The following CAPS2 variants were observed in gnomAD, a reference collection of about 807,000 sequenced individuals.
CAPS2 encodes calcyphosin-2.
A neutral mutation model predicts 86.5 loss-of-function variants in CAPS2; 98 were observed. The ratio of observed to expected loss-of-function variants is 1.13; its 90% CI spans 0.96 to 1.34. The LOEUF (loss-of-function observed/expected upper bound fraction) is 1.34. Among genes scored for constraint, CAPS2 ranks in the 40% most tolerant of loss-of-function variants. CAPS2 has a pLI of 0.00. For missense variants in CAPS2, 729 were observed against 686.8 expected, an observed-to-expected ratio of 1.06 and a Z score of -0.69; for synonymous variants, 210 against 225.1, an observed-to-expected ratio of 0.93 and a Z score of 0.60.
At chr12:75,351,221 T>C (rs993267020) in intron 1 of CAPS2, among the ~76,000 whole-genome samples, 3 of 152,164 alleles carry the variant, frequency 2.0e-5, no homozygotes, top group African/African-American at 7.2e-5. Flanking sequence ...TTGGGGTACC[T>C]GAAATAAATG....
chr12:75,308,119 G>T (rs970757276), intron 7 of CAPS2, among the ~76,000 whole-genome samples: 1 of 152,076 alleles, frequency 6.6e-6, no homozygotes, highest in Admixed American at 6.6e-5. Flanking sequence ...TGCATAGAAG[G>T]CTAACTTTGT....
intron 14 of CAPS2, among the ~76,000 whole-genome samples, chr12:75,287,447 G>A (rs2035090464): frequency 6.6e-6 from 1 of 152,114 alleles, no homozygotes; most frequent in African/African-American, 2.4e-5. Flanking sequence ...AGAAGAGTCA[G>A]AACAGGCATT....
chr12:75,304,134 A>G (rs1171196782), intron 8 of CAPS2, among the ~76,000 whole-genome samples: 1 of 152,228 alleles, frequency 6.6e-6, no homozygotes, highest in African/African-American at 2.4e-5. Flanking sequence ...ATGCTTCCAA[A>G]TATTTAAATG....
chr12:75,367,248 AAAC>A (rs1480538874), intron 1 of CAPS2, among the ~76,000 whole-genome samples: 1 of 145,472 alleles, frequency 6.9e-6, no homozygotes, highest in Non-Finnish European at 1.5e-5. Flanking sequence ...TTAGGATCCT[AAAC>A]AACAACTTCC....
At chr12:75,355,795 C>A (rs2043119252) in intron 1 of CAPS2, among the ~76,000 whole-genome samples, 1 of 152,056 alleles carries the variant, frequency 6.6e-6, no homozygotes, top group African/African-American at 2.4e-5. Flanking sequence ...TACTATGCAG[C>A]CATAAAAAGG....
intron 11 of CAPS2, among the ~76,000 whole-genome samples, chr12:75,296,389 T>A (rs1030795788): frequency 3.3e-5 from 5 of 152,074 alleles, no homozygotes; most frequent in Non-Finnish European, 7.4e-5. Flanking sequence ...CCTCCTGGGT[T>A]CACGCCATTC....
At chr12:75,386,721 A>G (rs1004944564) in intron 1 of CAPS2, among the ~76,000 whole-genome samples, 1 of 152,234 alleles carries the variant, frequency 6.6e-6, no homozygotes, top group African/African-American at 2.4e-5. Flanking sequence ...AAATAAATCC[A>G]TGGAACAGAA....
upstream of CAPS2, among the ~76,000 whole-genome samples, chr12:75,330,839 C>T (rs1467528937): frequency 1.3e-5 from 2 of 151,466 alleles, no homozygotes; most frequent in Non-Finnish European, 2.9e-5. Context: ...GGCTGGAGTG[C>T]AATGGCACAA....
chr12:75,366,962 G>A (rs12366348), intron 1 of CAPS2: 239,759 of 701,462 alleles, frequency 0.34, 43,919 homozygotes, highest in East Asian at 0.46. Context: ...CACCCAAGGG[G>A]CAGCTTGCAG....
intron 7 of CAPS2, among the ~76,000 whole-genome samples, chr12:75,308,573 T>C (rs555689887): frequency 5.1e-4 from 77 of 152,286 alleles, no homozygotes; most frequent in African/African-American, 1.8e-3. Context: ...CACCCTCCAC[T>C]GGTAATAGTT....
intron 1 of CAPS2, among the ~76,000 whole-genome samples, chr12:75,387,449 T>A (rs1191373741): frequency 6.6e-6 from 1 of 152,174 alleles, no homozygotes; most frequent in East Asian, 1.9e-4. Context: ...TCTCATTCAC[T>A]GCTGGTGGGA....
At chr12:75,298,429 G>A (rs2037261437) in intron 11 of CAPS2, 1 of 450,948 alleles carries the variant, frequency 2.2e-6, no homozygotes, top group African/African-American at 1.9e-5. Flanking sequence ...AACTTCATCT[G>A]GAGACAACCC....
At chr12:75,365,949 C>T (rs566555049) in intron 1 of CAPS2, among the ~76,000 whole-genome samples, 16 of 152,144 alleles carry the variant, frequency 1.1e-4, no homozygotes, top group Admixed American at 9.2e-4. Context: ...AGTTTTATAA[C>T]CCTTATGCAA....
Position 75,369,990 on chromosome 12 carries a change from T to C in CAPS2, c.-395+20848A>G. On this transcript the variant is annotated intron_variant, in intron 1 of 5. Coordinates refer to the CAPS2 transcript ENST00000551829. ...CCACAACTTATTATACCTAACCGTA[T>C]GTATCAAAATATTTTAGTATTAATT... 5 of 1,087,294 alleles carry C rather than the reference T, an allele frequency of 4.6e-6. 1 individual carries two copies. In the Middle Eastern group the frequency reaches 6.5e-4, roughly 141 times the overall value. The allele number at this position is 1,087,294 out of a possible 1,614,324, so 67.4% of individuals were successfully genotyped here.
In CAPS2 at chr12:75,311,699, G is replaced by GAAAAA. The variant is rs764314438; in HGVS notation, c.659+1148_659+1149insTTTTT. 4.7e-4 allele frequency among the ~76,000 whole-genome samples: 8 copies of GAAAAA among 16,994 alleles called. 1 individual carries two copies. Among genetic ancestry groups the GAAAAA allele is most frequent in the African/African-American group, 7.4e-4 (6 of 8,076 alleles). The allele number at this position is 16,994 out of a possible 152,430, so 11.1% of individuals were successfully genotyped here. ...CGTGTCACGTGCAGGAAGCCATGCA[G>GAAAAA]GAAAAAAAAAAACAAAAAAAAAAAC... is the stretch of plus-strand genomic sequence containing the variant. On this transcript the variant is annotated intron_variant, in intron 7 of 16. Coordinates refer to ENST00000393284, the Ensembl canonical transcript of CAPS2.
intron 14 of CAPS2, among the ~76,000 whole-genome samples, chr12:75,287,996 T>C (rs892850524): frequency 6.6e-6 from 1 of 152,170 alleles, no homozygotes; most frequent in African/African-American, 2.4e-5. Context: ...TCCACTGGGT[T>C]TCTACAGCTT....
chr12:75,310,004 T>A (rs1342063904), intron 7 of CAPS2, among the ~76,000 whole-genome samples: 4 of 152,196 alleles, frequency 2.6e-5, no homozygotes, highest in Admixed American at 6.5e-5. Flanking sequence ...TAAAACCAAA[T>A]TCTGCTGACT....
intron 15 of CAPS2, 49 bp from the exon 16 acceptor site, chr12:75,282,396 C>T (rs1446800527): frequency 2.4e-6 from 3 of 1,266,936 alleles, no homozygotes; most frequent in African/African-American, 2.9e-5. Context: ...GGTTGTTTTG[C>T]TTTGCTTTGA....
At chr12:75,354,767 G>C (rs1222262518) in intron 1 of CAPS2, among the ~76,000 whole-genome samples, 2 of 152,060 alleles carry the variant, frequency 1.3e-5, no homozygotes, top group Non-Finnish European at 2.9e-5. Context: ...GCATGGTACT[G>C]GTACAAAAAC....
Sources: gnomAD v4.1 joint callset for allele counts (sites outside exome capture counted in the v4.1 genomes callset) on GRCh38, gnomAD v4.1.1 for gene constraint, MANE v1.5 for transcripts, NCBI Gene and HGNC (gene_info 2026-07-23, HGNC 2026-07-21) for gene names.